Variants in PYGB observed in about 807,000 individuals in gnomAD.
The protein encoded by PYGB is glycogen phosphorylase B, also known as glycogen phosphorylase, brain form.
In PYGB, 82 loss-of-function variants were observed where a neutral mutation model predicts 94.3. That is an observed-to-expected ratio of 0.87 (90% CI 0.73 to 1.04). The LOEUF (loss-of-function observed/expected upper bound fraction) is 1.04. PYGB is among the 50% of genes least tolerant of loss of function. The pLI is 0.00. For synonymous variants in PYGB, 488 were observed against 479.1 expected (o/e 1.02, Z -0.24); for missense variants, 1,132 against 1,158.2 (o/e 0.98, Z 0.33).
At position 25,259,144 on chromosome 20, in the gene PYGB, T is replaced by G. The variant is rs8125437; in HGVS notation, c.244-93T>G. Reference sequence around the variant, plus strand: ...GGGTTGACATAAATGAAATCCCGAGTGGGGGCTTGGCTTCATGGGTCGTGT... The same window carrying G: ...GGGTTGACATAAATGAAATCCCGAGGGGGGGCTTGGCTTCATGGGTCGTGT... On this transcript the variant is annotated intron_variant, in intron 1 of 19. Transcript: ENST00000216962. 0.017 allele frequency: 18,791 copies of G among 1,119,340 alleles called. 1,601 individuals are homozygous for G. In the African/African-American group the frequency reaches 0.22, roughly 13 times the overall value. The allele number at this position is 1,119,340 out of a possible 1,614,324, so 69.3% of individuals were successfully genotyped here.
chr20:25,274,185 C>G (rs1325546568), intron 4 of PYGB, among the ~76,000 whole-genome samples: 1 of 152,242 alleles, frequency 6.6e-6, no homozygotes. Flanking sequence ...ACACCCAGCC[C>G]CTGACAGCCT....
Position 25,278,401 on chromosome 20 carries a change from A to G in PYGB, c.938A>G (p.Lys313Arg), listed in dbSNP as rs200988568. 2 of 1,608,922 alleles carry G rather than the reference A, an allele frequency of 1.2e-6. No homozygotes were observed. Among genetic ancestry groups the G allele is most frequent in the Non-Finnish European group, 1.7e-6 (2 of 1,178,514 alleles). ...CTCCAGGACATCATCCGCCGCTTCA[A>G]GTCGTCCAAGTTCGGCTGCCGGGAC... ...ATLQDIIRRF[K>R]SSKFGCRDPV... The change falls in exon 8 of 20, where the codon AAG (lysine) becomes AGG (arginine). Residue 313 changes from lysine to arginine, a missense_variant. Lys to Arg is a conservative substitution (Grantham distance 26, BLOSUM62 2). Transcript: ENST00000216962.
chr20:25,294,248 A>C lies in PYGB; in HGVS notation c.2268A>C (p.Pro756=). 3 of 1,545,608 alleles carry C rather than the reference A, an allele frequency of 1.9e-6. No homozygotes were observed. The highest frequency in any genetic ancestry group is 2.6e-6 in the Non-Finnish European group (3 of 1,137,212). Residue 756 remains proline, a synonymous_variant, in exon 18 of 20, where the codon CCA becomes CCC. Coordinates refer to ENST00000216962, the MANE Select transcript of PYGB (RefSeq NM_002862.4). ...ISSGFFSPKE[P]DCFKDIVNML... is the part of the protein sequence containing the mutation. ...GTGGCTTTTTTTCTCCCAAGGAGCC[A>C]GACTGCTTCAAGGACATCGTGAACA...
intron 5 of PYGB, 68 bp from the exon 6 acceptor site, chr20:25,276,578 C>A (rs1049328246): frequency 7.3e-7 from 1 of 1,369,246 alleles, no homozygotes; most frequent in Admixed American, 1.7e-5. Context: ...GAGGCTGGGC[C>A]GGGGAGAGGC....
intron 17 of PYGB, 113 bp downstream of exon 17, chr20:25,292,726 G>C (rs2281562): frequency 7.5e-7 from 1 of 1,329,948 alleles, no homozygotes; most frequent in Non-Finnish European, 1.0e-6. Flanking sequence ...GTGTGCTAGG[G>C]TCAGTGCCCA....
chr20:25,261,140 G>C (rs1457652629), intron 2 of PYGB, among the ~76,000 whole-genome samples: 1 of 152,236 alleles, frequency 6.6e-6, no homozygotes, highest in African/African-American at 2.4e-5. Flanking sequence ...GTTTCTCCCA[G>C]TACAGAGTTT....
chr20:25,263,511 C>A (rs1427920720), intron 2 of PYGB, among the ~76,000 whole-genome samples: 1 of 151,840 alleles, frequency 6.6e-6, no homozygotes, highest in East Asian at 1.9e-4. Flanking sequence ...TTGAAAAGAT[C>A]AACAAAATTG....
At chr20:25,269,066 A>G in intron 2 of PYGB, 63 bp from the exon 3 acceptor site, 1 of 1,361,688 alleles carries the variant, frequency 7.3e-7, no homozygotes, top group Non-Finnish European at 1.0e-6. Context: ...CACATCTTTC[A>G]GCCTGTCATT....
At chr20:25,271,950 G>A (rs1049661209) in intron 4 of PYGB, among the ~76,000 whole-genome samples, 6 of 152,256 alleles carry the variant, frequency 3.9e-5, no homozygotes, top group Admixed American at 3.3e-4. Flanking sequence ...CCTGACCCCA[G>A]TGAGGGGACA....
chr20:25,257,131 T>C (rs74749140), intron 1 of PYGB, among the ~76,000 whole-genome samples: 9,912 of 152,298 alleles, frequency 0.065, 998 homozygotes, highest in African/African-American at 0.22. Context: ...TCTTTTCAGT[T>C]TCATGGTTTT....
In PYGB at chr20:25,294,257, C is replaced by T. The variant is rs538723544; in HGVS notation, c.2277C>T (p.Phe759=). 1.2e-5 allele frequency: 18 copies of T among 1,543,010 alleles called. No individual in the cohort carries two copies. In the East Asian group the frequency reaches 1.8e-4, roughly 15 times the overall value. Residue 759 remains phenylalanine (F), a synonymous_variant, in exon 18 of 20, where the codon TTC becomes TTT. Transcript: ENST00000216962. The stretch of plus-strand genomic sequence containing the variant: ...TTTCTCCCAAGGAGCCAGACTGCTT[C>T]AAGGACATCGTGAACATGCTGATGC... ...GFFSPKEPDC[F]KDIVNMLMHH...
At chr20:25,294,811 C>T in intron 18 of PYGB, 1 of 757,404 alleles carries the variant, frequency 1.3e-6, no homozygotes, top group Non-Finnish European at 2.4e-6. Context: ...TCTAGAGTTA[C>T]AGACTTTGTA....
chr20:25,268,389 C>CT (rs5841052), intron 2 of PYGB, among the ~76,000 whole-genome samples: 13,129 of 142,756 alleles, frequency 0.092, 1,772 homozygotes, highest in African/African-American at 0.31. Flanking sequence ...CAAAAATGTC[C>CT]TTTTTTTTTT....
chr20:25,274,504 C>G, intron 4 of PYGB, 88 bp from the exon 5 acceptor site: 2 of 1,501,476 alleles, frequency 1.3e-6, no homozygotes, highest in Non-Finnish European at 8.9e-7. Context: ...ACTGTGTGAT[C>G]TCGACCGCAC....
intron 1 of PYGB, among the ~76,000 whole-genome samples, chr20:25,249,213 T>A (rs1448589992): frequency 1.3e-5 from 2 of 150,534 alleles, no homozygotes; most frequent in Non-Finnish European, 3.0e-5. Context: ...TACACATTTT[T>A]AAAAAGTATA....
intron 1 of PYGB, among the ~76,000 whole-genome samples, chr20:25,258,694 A>G (rs1226410286): frequency 6.6e-6 from 1 of 152,252 alleles, no homozygotes; most frequent in Non-Finnish European, 1.5e-5. Context: ...CCAGCCAGCC[A>G]GCAGGCATCA....
Position 25,294,252 on chromosome 20 carries a change from T to C in PYGB, c.2272T>C (p.Cys758Arg). ...CTTTTTTTCTCCCAAGGAGCCAGAC[T>C]GCTTCAAGGACATCGTGAACATGCT... ...SGFFSPKEPD[C>R]FKDIVNMLMH... Residue 758 changes from cysteine (C) to arginine (R), a missense_variant, in exon 18 of 20, where the codon TGC becomes CGC. Cys to Arg is a radical substitution (Grantham distance 180, BLOSUM62 -3). Coordinates refer to ENST00000216962, the MANE Select transcript of PYGB (RefSeq NM_002862.4). 1 of 1,598,098 alleles carries C rather than the reference T, an allele frequency of 6.3e-7. No individual in the cohort carries two copies. The highest frequency in any genetic ancestry group is 8.5e-7 in the Non-Finnish European group (1 of 1,171,386).
chr20:25,270,487 C>T (rs2088257885), intron 3 of PYGB, among the ~76,000 whole-genome samples: 1 of 152,102 alleles, frequency 6.6e-6, no homozygotes, highest in Non-Finnish European at 1.5e-5. Context: ...CAGGCATGAG[C>T]CACCACGCCC....
chr20:25,281,197 C>G, intron 11 of PYGB, 85 bp downstream of exon 11: 4 of 1,524,640 alleles, frequency 2.6e-6, no homozygotes, highest in Non-Finnish European at 3.6e-6. Flanking sequence ...CACATGGACC[C>G]AGCTATATAG....
Sources: allele counts gnomAD v4.1 joint callset (sites outside exome capture counted in the v4.1 genomes callset), GRCh38; gene constraint gnomAD v4.1.1; transcripts MANE v1.5; gene names NCBI Gene and HGNC (gene_info 2026-07-23, HGNC 2026-07-21).